LINGO3: variants seen among roughly 807,000 people sequenced by gnomAD.
LINGO3 encodes leucine rich repeat and Ig domain containing 3, also known as leucine-rich repeat and immunoglobulin-like domain-containing nogo receptor-interacting protein 3.
For synonymous variants in LINGO3, 427 were observed against 444.2 expected, an observed-to-expected ratio of 0.96 and a Z score of 0.49; for missense variants, 750 against 867.7, an observed-to-expected ratio of 0.86 and a Z score of 1.70.
upstream of LINGO3, among the ~76,000 whole-genome samples, chr19:2,294,645 G>A (rs902987746): frequency 8.6e-5 from 13 of 152,030 alleles, no homozygotes; most frequent in African/African-American, 3.1e-4. The surrounding 1 kb of genome is among the most constrained non-coding windows in gnomAD (Gnocchi z 4.3). Context: ...CCTCTGGGTG[G>A]GGGGCAGATG....
At chr19:2,291,068 C>T in exon 1 of LINGO3, 1 of 1,610,248 alleles carries the variant, frequency 6.2e-7, no homozygotes, top group Non-Finnish European at 8.5e-7. Flanking sequence ...GCCGCCACCT[C>T]CTCCAGCAGC....
Position 2,291,707 on chromosome 19 carries a change from CTCCAGCCGGGGGCGGCGCCGCGGGCAGCA to C in LINGO3, c.41_69del (p.Leu14ArgfsTer207). 7.5e-7 allele frequency: 1 copy of C among 1,341,312 alleles called. No homozygotes were observed. The highest frequency in any genetic ancestry group is 4.0e-5 in the Admixed American group (1 of 24,722). 83.1% of individuals were successfully genotyped at this position (1,341,312 alleles called of 1,614,324 possible). A position where few individuals can be genotyped will look rare whatever the true frequency, so the allele number is the denominator to read the frequency against. On this transcript the variant is annotated frameshift_variant, in exon 1 of 1. Transcript: ENST00000585527. LOFTEE classifies it low-confidence loss of function (END_TRUNC). ...GTGCACTCGCAGCGGGCCGGGCAGC[CTCCAGCCGGGGGCGGCGCCGCGGGCAGCA>C]GGAGCAGGGGCAGGCTCAGGACGCA... is the stretch of plus-strand genomic sequence containing the variant.
the LINGO3 span, among the ~76,000 whole-genome samples, chr19:2,297,465 C>T: frequency 5.9e-5 from 9 of 151,942 alleles, no homozygotes; most frequent in East Asian, 3.9e-4. Flanking sequence ...CCACCACGCC[C>T]GGCTAATTTT....
At chr19:2,294,354 G>A (rs576928445), upstream of LINGO3, among the ~76,000 whole-genome samples, 4 of 152,342 alleles carry the variant, frequency 2.6e-5, no homozygotes, top group South Asian at 8.3e-4. The surrounding 1 kb of genome is among the most constrained non-coding windows in gnomAD (Gnocchi z 4.3). Context: ...CGCCCCGGGA[G>A]CTTCCAGAGG....
At chr19:2,292,058 T>C (rs1413291030), upstream of LINGO3, 3 of 415,022 alleles carry the variant, frequency 7.2e-6, no homozygotes, top group Non-Finnish European at 9.3e-6. Context: ...TGTGGTGGTG[T>C]AGGCCTGTGG....
At chr19:2,291,284 C>T in exon 1 of LINGO3, 1 of 1,612,520 alleles carries the variant, frequency 6.2e-7, no homozygotes, top group Non-Finnish European at 8.5e-7. Flanking sequence ...CGGCGCGAGA[C>T]GAATACCAGG....
chr19:2,308,142 A>AGCCGCCGCCGCCGCC, the LINGO3 span, among the ~76,000 whole-genome samples: 492 of 139,664 alleles, frequency 3.5e-3, 7 homozygotes, highest in East Asian at 4.7e-3. Flanking sequence ...CGACACGAGC[A>AGCCGCCGCCGCCGCC]GCCGCCGCCG....
downstream of LINGO3, among the ~76,000 whole-genome samples, chr19:2,289,168 G>A (rs1182688801): frequency 6.6e-6 from 1 of 150,998 alleles, no homozygotes; most frequent in Non-Finnish European, 1.5e-5. Flanking sequence ...TCCCGGGTGT[G>A]AGCTCTGTGT....
chr19:2,304,848 C>G, the LINGO3 span, among the ~76,000 whole-genome samples: 1 of 150,366 alleles, frequency 6.7e-6, no homozygotes. Context: ...GCTGGAACTA[C>G]AGGCATGAGC....
chr19:2,294,226 C>T (rs1240767194), upstream of LINGO3, among the ~76,000 whole-genome samples: 1 of 152,140 alleles, frequency 6.6e-6, no homozygotes, highest in Admixed American at 6.6e-5. This position sits in a 1 kb window ranked among gnomAD's most constrained non-coding sequence, Gnocchi z 4.3. Flanking sequence ...TGGACACACA[C>T]CTAGCCCTAT....
chr19:2,307,740 C>G, the LINGO3 span, among the ~76,000 whole-genome samples: 1 of 152,092 alleles, frequency 6.6e-6, no homozygotes, highest in Non-Finnish European at 1.5e-5. Context: ...CACCCCAGAC[C>G]CAACCAGTGC....
chr19:2,299,208 T>G, the LINGO3 span, among the ~76,000 whole-genome samples: 2 of 152,136 alleles, frequency 1.3e-5, no homozygotes, highest in Admixed American at 6.5e-5. Flanking sequence ...TCATTTCCTC[T>G]GCAGGGTGCT....
chr19:2,297,012 A>T (rs2025579254), upstream of LINGO3, among the ~76,000 whole-genome samples: 1 of 151,438 alleles, frequency 6.6e-6, no homozygotes, highest in South Asian at 2.1e-4. Flanking sequence ...GAATGGCGTG[A>T]ACCCGGGAGG....
upstream of LINGO3, among the ~76,000 whole-genome samples, chr19:2,296,518 G>A (rs980960223): frequency 4.1e-4 from 62 of 151,940 alleles, no homozygotes; most frequent in Non-Finnish European, 7.1e-4. Context: ...TCACTCTGTC[G>A]CCTGGGCTGG....
upstream of LINGO3, among the ~76,000 whole-genome samples, chr19:2,294,069 G>A (rs772285513): frequency 4.3e-4 from 65 of 152,122 alleles, no homozygotes; most frequent in Non-Finnish European, 8.7e-4. The surrounding 1 kb of genome is among the most constrained non-coding windows in gnomAD (Gnocchi z 4.3). Context: ...AAAAAGGTAT[G>A]TTCACGTCCT....
chr19:2,291,491 C>G (rs927752205), exon 1 of LINGO3: 2 of 1,611,802 alleles, frequency 1.2e-6, no homozygotes, highest in Non-Finnish European at 1.7e-6. Context: ...GCGAAGGCGC[C>G]GGGCTCCACG....
At chr19:2,307,173 G>A in the LINGO3 span, among the ~76,000 whole-genome samples, 1 of 152,144 alleles carries the variant, frequency 6.6e-6, no homozygotes, top group Non-Finnish European at 1.5e-5. Context: ...ACCCCCGCCG[G>A]AGCAAGGGTG....
the LINGO3 span, among the ~76,000 whole-genome samples, chr19:2,299,874 C>T: frequency 6.6e-6 from 1 of 151,002 alleles, no homozygotes; most frequent in Non-Finnish European, 1.5e-5. Context: ...CAGGCGCCCG[C>T]CACCACGCCC....
chr19:2,301,331 C>G, the LINGO3 span, among the ~76,000 whole-genome samples: 1 of 149,186 alleles, frequency 6.7e-6, no homozygotes, highest in Non-Finnish European at 1.5e-5. Flanking sequence ...ATGTGGATGA[C>G]TCTCTGTCTT....
Sources: allele counts gnomAD v4.1 joint callset (sites outside exome capture counted in the v4.1 genomes callset), GRCh38; gene constraint gnomAD v4.1.1; non-coding constraint Gnocchi (gnomAD v3.1); transcripts MANE v1.5; gene names NCBI Gene and HGNC (gene_info 2026-07-23, HGNC 2026-07-21).